LRMDA: variants seen among roughly 807,000 people sequenced by gnomAD.
The protein encoded by LRMDA is leucine rich melanocyte differentiation associated, also known as leucine-rich melanocyte differentiation-associated protein.
In LRMDA, 18 loss-of-function variants were observed where a neutral mutation model predicts 29.8. That is an observed-to-expected ratio of 0.60 (90% CI 0.42 to 0.90). The LOEUF is 0.90. LRMDA is among the 40% of genes least tolerant of loss of function. LRMDA has a pLI of 0.00. For synonymous variants in LRMDA, 125 were observed against 109.4 expected (o/e 1.14, Z -0.89); for missense variants, 273 against 273.9 (o/e 1.00, Z 0.02).
In LRMDA at chr10:76,556,210, A is replaced by T. The variant is rs193219202; in HGVS notation, c.602-999A>T. Among the ~76,000 whole-genome samples, 3 of 152,318 alleles carry T rather than the reference A, an allele frequency of 2.0e-5. No homozygotes were observed. In the East Asian group the frequency reaches 5.8e-4, roughly 29 times the overall value. On this transcript the variant is annotated intron_variant, in intron 6 of 6. Coordinates refer to ENST00000611255, the MANE Select transcript of LRMDA (RefSeq NM_001305581.2). ...TCCTTGAATGAGAGGAGAGCCTTAT[A>T]CGGAGCCACAGAGTTACTTAAAGTA...
intron 2 of LRMDA, among the ~76,000 whole-genome samples, chr10:75,468,732 GC>G (rs1259244714): frequency 4.6e-5 from 7 of 152,112 alleles, no homozygotes; most frequent in African/African-American, 1.7e-4. Context: ...GGAAGAGAAT[GC>G]CAAGCCCTGC....
chr10:75,909,706 G>A (rs1021727079), intron 2 of LRMDA, among the ~76,000 whole-genome samples: 1 of 152,074 alleles, frequency 6.6e-6, no homozygotes, highest in African/African-American at 2.4e-5. Flanking sequence ...GTAAAACAGC[G>A]ATAATAATAG....
chr10:76,480,159 T>C (rs976683304), intron 6 of LRMDA, among the ~76,000 whole-genome samples: 3 of 151,992 alleles, frequency 2.0e-5, no homozygotes, highest in Non-Finnish European at 4.4e-5. Flanking sequence ...ACTTCTCAAC[T>C]GCTATTAGAT....
intron 2 of LRMDA, among the ~76,000 whole-genome samples, chr10:75,920,777 G>A (rs1391891308): frequency 6.6e-6 from 1 of 152,202 alleles, no homozygotes; most frequent in Non-Finnish European, 1.5e-5. Flanking sequence ...GCCAGTCATA[G>A]GAGGTGCTCA....
chr10:75,456,688 G>A (rs905262297), intron 2 of LRMDA, among the ~76,000 whole-genome samples: 13 of 152,164 alleles, frequency 8.5e-5, no homozygotes, highest in East Asian at 7.7e-4. Context: ...ATTTTATTTT[G>A]TTTTTTGAAA....
At chr10:75,575,214 C>T (rs987679376) in intron 2 of LRMDA, among the ~76,000 whole-genome samples, 2 of 152,172 alleles carry the variant, frequency 1.3e-5, no homozygotes, top group Non-Finnish European at 2.9e-5. Context: ...GATTATAATT[C>T]ATGAGATATT....
rs1012129031 is a variant in LRMDA at position 75,989,977 on chromosome 10, C to T, written c.132-46031C>T. 2.6e-5 allele frequency among the ~76,000 whole-genome samples: 4 copies of T among 152,168 alleles called. No homozygotes were observed. In the East Asian group the frequency reaches 5.8e-4, roughly 22 times the overall value. ...CCCCACAGGCTCCTCCCAGACAGGC[C>T]GGCCTCCTTAGGCCTTGGGTATAAT... is the stretch of plus-strand genomic sequence containing the variant. On this transcript the variant is annotated intron_variant, in intron 2 of 6. Coordinates refer to ENST00000611255, the MANE Select transcript of LRMDA (RefSeq NM_001305581.2).
At chr10:76,243,425 G>A (rs1852316282) in intron 5 of LRMDA, among the ~76,000 whole-genome samples, 1 of 152,114 alleles carries the variant, frequency 6.6e-6, no homozygotes, top group South Asian at 2.1e-4. Flanking sequence ...ATTAGTGGGT[G>A]GCTGTAGCTT....
intron 2 of LRMDA, chr10:75,882,582 A>C (rs1313496534): frequency 6.6e-6 from 1 of 152,218 alleles, no homozygotes; most frequent in Non-Finnish European, 1.5e-5. Flanking sequence ...GGAGGCACTT[A>C]ATAAATGCTT....
At chr10:76,121,688 G>A (rs1849792487) in intron 5 of LRMDA, among the ~76,000 whole-genome samples, 2 of 152,194 alleles carry the variant, frequency 1.3e-5, no homozygotes, top group South Asian at 4.1e-4. Context: ...CCCAGGATGG[G>A]GACCAGATAT....
At chr10:76,131,001 T>C (rs1157001382) in intron 5 of LRMDA, among the ~76,000 whole-genome samples, 1 of 152,184 alleles carries the variant, frequency 6.6e-6, no homozygotes, top group Admixed American at 6.5e-5. Flanking sequence ...TGGAGTAATC[T>C]TCCAAGGGCA....
intron 2 of LRMDA, among the ~76,000 whole-genome samples, chr10:75,791,801 G>A (rs1251921687): frequency 6.6e-6 from 1 of 150,482 alleles, no homozygotes; most frequent in Non-Finnish European, 1.5e-5. Context: ...CTTGCTAAAT[G>A]TCACTGGTCA....
chr10:75,632,806 T>TG (rs1209961839), intron 2 of LRMDA, among the ~76,000 whole-genome samples: 1 of 146,840 alleles, frequency 6.8e-6, no homozygotes, highest in African/African-American at 2.5e-5. Flanking sequence ...TTTTTTTTTT[T>TG]TTTGCCAAGA....
intron 2 of LRMDA, among the ~76,000 whole-genome samples, chr10:75,525,399 G>A (rs1362139145): frequency 6.6e-6 from 1 of 152,128 alleles, no homozygotes; most frequent in Non-Finnish European, 1.5e-5. Context: ...GCAGATTGGA[G>A]TATGTAGTTT....
rs548577871 is a variant in LRMDA, at chr10:75,496,284, G to A, written c.131+57790G>A. 2.0e-5 allele frequency among the ~76,000 whole-genome samples: 3 copies of A among 152,144 alleles called. No individual in the cohort carries two copies. The South Asian group carries it at 6.2e-4, about 32-fold the overall frequency. ...ATCCTCTTGCTAGATGACTTTTGGG[G>A]GATAATTTATTTGAGGCTCAGTGGT... On this transcript the variant is annotated intron_variant, in intron 2 of 6. Transcript: ENST00000611255.
At chr10:75,775,700 G>A (rs529158473) in intron 2 of LRMDA, among the ~76,000 whole-genome samples, 11 of 152,292 alleles carry the variant, frequency 7.2e-5, no homozygotes, top group African/African-American at 2.6e-4. Context: ...TACTCCAAAG[G>A]AATCTCTTGG....
At chr10:75,788,259 A>G (rs553368294) in intron 2 of LRMDA, among the ~76,000 whole-genome samples, 1 of 152,334 alleles carries the variant, frequency 6.6e-6, no homozygotes, top group Non-Finnish European at 1.5e-5. Context: ...TCTTTTACAA[A>G]AAGGAACAGA....
chr10:75,624,784 T>G (rs1182492416), intron 2 of LRMDA, among the ~76,000 whole-genome samples: 3 of 152,230 alleles, frequency 2.0e-5, no homozygotes, highest in Admixed American at 1.3e-4. Flanking sequence ...AAATTTTCAC[T>G]TGTGCATCCT....
chr10:75,715,641 A>C (rs1842490550), intron 2 of LRMDA, among the ~76,000 whole-genome samples: 1 of 152,170 alleles, frequency 6.6e-6, no homozygotes, highest in African/African-American at 2.4e-5. Flanking sequence ...CCAGTCTTAA[A>C]TTTTTGGGCA....
Sources: gnomAD v4.1 joint callset for allele counts (sites outside exome capture counted in the v4.1 genomes callset) on GRCh38, gnomAD v4.1.1 for gene constraint, MANE v1.5 for transcripts, NCBI Gene and HGNC (gene_info 2026-07-23, HGNC 2026-07-21) for gene names.